The following GPAM variants were observed in gnomAD, a reference collection of about 807,000 sequenced individuals.
The protein encoded by GPAM is glycerol-3-phosphate acyltransferase 1, mitochondrial.
In GPAM, 56 loss-of-function variants were observed where a neutral mutation model predicts 105.0. The observed-to-expected ratio is 0.53, with a 90% CI of 0.43 to 0.67. The LOEUF (loss-of-function observed/expected upper bound fraction) is 0.67. Among genes scored for constraint, GPAM ranks in the 30% least tolerant of loss-of-function variants. The probability of loss-of-function intolerance (pLI) is 0.00; values close to 1 mark genes in which losing one functional copy is unlikely to be tolerated. For missense variants in GPAM, 855 were observed against 989.8 expected, an observed-to-expected ratio of 0.86 and a Z score of 1.83; for synonymous variants, 368 against 354.4, an observed-to-expected ratio of 1.04 and a Z score of -0.43.
upstream of GPAM, among the ~76,000 whole-genome samples, chr10:112,220,016 A>G (rs1848003704): frequency 6.6e-6 from 1 of 152,188 alleles, no homozygotes; most frequent in African/African-American, 2.4e-5. Flanking sequence ...CACTTTTCCA[A>G]TTACTCCTGC....
intron 1 of GPAM, among the ~76,000 whole-genome samples, chr10:112,210,125 G>A (rs553990565): frequency 1.3e-5 from 2 of 152,368 alleles, no homozygotes; most frequent in South Asian, 4.1e-4. Context: ...GTACCACGTG[G>A]TGGGAATAGC....
intron 1 of GPAM, among the ~76,000 whole-genome samples, chr10:112,191,224 G>A (rs141952453): frequency 4.1e-4 from 62 of 152,326 alleles, no homozygotes; most frequent in African/African-American, 1.4e-3. Context: ...TTGTGATGAG[G>A]CAGGTTAGAG....
intron 1 of GPAM, among the ~76,000 whole-genome samples, chr10:112,196,921 A>G (rs1019390716): frequency 6.6e-6 from 1 of 152,178 alleles, no homozygotes; most frequent in Non-Finnish European, 1.5e-5. Context: ...ATTTTTCCAG[A>G]GGCTCTCACT....
chr10:112,153,459 T>C lies in GPAM; in HGVS notation c.*91A>G, dbSNP rs1164037182. ...CTTCGGGACAGGGCAGGCCTGACCCTGCGATGGCACCTTCAACTCTTGAGC... is the reference window on the plus strand; with the variant it reads ...CTTCGGGACAGGGCAGGCCTGACCCCGCGATGGCACCTTCAACTCTTGAGC... On this transcript the variant is annotated 3_prime_UTR_variant, in exon 22 of 22. Coordinates refer to ENST00000348367, the MANE Select transcript of GPAM (RefSeq NM_001244949.2). 11 of 1,604,512 alleles carry C rather than the reference T, an allele frequency of 6.9e-6. No individual in the cohort carries two copies. The highest frequency in any genetic ancestry group is 7.6e-6 in the Non-Finnish European group (9 of 1,176,890).
Position 112,151,740 on chromosome 10 carries a change from G to T in GPAM, c.*1810C>A. The stretch of plus-strand genomic sequence containing the variant: ...GTAATCCTTAATTTACAATTTAAAG[G>T]ATGAAAAAAAGAGACTAGTGAAATG... On this transcript the variant is annotated 3_prime_UTR_variant, in exon 22 of 22. Transcript: ENST00000348367. 2 of 985,028 alleles carry T rather than the reference G, an allele frequency of 2.0e-6. No individual in the cohort carries two copies. 61.0% of individuals were successfully genotyped at this position (985,028 alleles called of 1,614,324 possible).
At position 112,163,751 on chromosome 10, in the gene GPAM, T is replaced by G. The variant is rs1458627209; in HGVS notation, c.1373A>C (p.Glu458Ala). Residue 458 changes from glutamate (E) to alanine (A), a missense_variant, in exon 14 of 22, where the codon GAA becomes GCA. By Grantham distance (107) the Glu-to-Ala change is moderately radical. Coordinates refer to ENST00000348367, the MANE Select transcript of GPAM (RefSeq NM_001244949.2). ...SINESRNATD[E>A]SLRRRLIANL... ...TGCAATCAACCTCCTTCGTAGGGATTCATCTGTTGCATTTCTGGACTCATT... is the reference window on the plus strand; with the variant it reads ...TGCAATCAACCTCCTTCGTAGGGATGCATCTGTTGCATTTCTGGACTCATT... The G allele has an allele frequency of 1.2e-6, 2 of 1,604,826 alleles. No homozygotes were observed. Among genetic ancestry groups the G allele is most frequent in the Non-Finnish European group, 8.5e-7 (1 of 1,171,626 alleles).
intron 1 of GPAM, chr10:112,214,487 C>T (rs1469610104): frequency 2.0e-5 from 3 of 152,188 alleles, no homozygotes; most frequent in Admixed American, 2.0e-4. Flanking sequence ...ATCCTGCTGG[C>T]CCCATATGGA....
chr10:112,160,457 G>T (rs1487142809), intron 16 of GPAM, 147 bp downstream of exon 16: 2 of 1,202,606 alleles, frequency 1.7e-6, no homozygotes, highest in East Asian at 5.1e-5. Flanking sequence ...TATAACAGGA[G>T]ATTACATTTT....
intron 6 of GPAM, among the ~76,000 whole-genome samples, chr10:112,174,892 C>T (rs569658038): frequency 2.6e-5 from 4 of 152,266 alleles, no homozygotes; most frequent in East Asian, 3.9e-4. Flanking sequence ...ACAAACATAA[C>T]GAAGAGTCTA....
chr10:112,160,146 A>C (rs1040337960), intron 16 of GPAM, 93 bp from the exon 17 acceptor site: 1 of 1,203,520 alleles, frequency 8.3e-7, no homozygotes. Flanking sequence ...TTATTAATAC[A>C]TCAAAAATAA....
the GPAM span, among the ~76,000 whole-genome samples, chr10:112,225,226 G>T: frequency 3.4e-3 from 520 of 152,266 alleles, 6 homozygotes; most frequent in African/African-American, 0.012. Flanking sequence ...ACACACACAA[G>T]CACAAATTTG....
chr10:112,169,199 A>C (rs889613576), intron 9 of GPAM, among the ~76,000 whole-genome samples: 1 of 152,180 alleles, frequency 6.6e-6, no homozygotes, highest in Non-Finnish European at 1.5e-5. Context: ...GTTCCAAGCC[A>C]AAAGGAGTTT....
chr10:112,226,920 C>T, the GPAM span, among the ~76,000 whole-genome samples: 1 of 152,098 alleles, frequency 6.6e-6, no homozygotes, highest in East Asian at 1.9e-4. Context: ...GGGCAGACTT[C>T]CACCCTTTAG....
At chr10:112,209,214 G>C (rs1027175682) in intron 1 of GPAM, among the ~76,000 whole-genome samples, 1 of 152,192 alleles carries the variant, frequency 6.6e-6, no homozygotes, top group Admixed American at 6.5e-5. Context: ...CTGATTCATG[G>C]AGCTAATTAG....
At chr10:112,212,509 C>T (rs1249502743) in intron 1 of GPAM, among the ~76,000 whole-genome samples, 3 of 152,156 alleles carry the variant, frequency 2.0e-5, no homozygotes, top group South Asian at 2.1e-4. Context: ...ATGATCCGCC[C>T]GCATCGACCT....
intron 1 of GPAM, among the ~76,000 whole-genome samples, chr10:112,199,244 C>A (rs1847764252): frequency 6.6e-6 from 1 of 152,178 alleles, no homozygotes; most frequent in South Asian, 2.1e-4. Context: ...GCATAAGCCA[C>A]TGCGCCCAGC....
chr10:112,202,662 A>G (rs936287978), intron 1 of GPAM, among the ~76,000 whole-genome samples: 1 of 152,186 alleles, frequency 6.6e-6, no homozygotes, highest in Non-Finnish European at 1.5e-5. Flanking sequence ...TAAAATACCT[A>G]CATAAATTTT....
At chr10:112,200,692 A>C (rs555048877) in intron 1 of GPAM, among the ~76,000 whole-genome samples, 46 of 152,258 alleles carry the variant, frequency 3.0e-4, no homozygotes, top group African/African-American at 1.1e-3. Context: ...AGAAGAGAAC[A>C]AGCAGAGGAA....
upstream of GPAM, among the ~76,000 whole-genome samples, chr10:112,184,655 G>A (rs2001808): frequency 0.11 from 16,115 of 152,210 alleles, 1,029 homozygotes; most frequent in South Asian, 0.2. Flanking sequence ...TGGTCCTTGA[G>A]GAGGGAAAAC....
Sources: gnomAD v4.1 joint callset for allele counts (sites outside exome capture counted in the v4.1 genomes callset) on GRCh38, gnomAD v4.1.1 for gene constraint, MANE v1.5 for transcripts, NCBI Gene and HGNC (gene_info 2026-07-23, HGNC 2026-07-21) for gene names.